Variants in PTPRS observed in about 807,000 individuals in gnomAD.
PTPRS encodes receptor-type tyrosine-protein phosphatase S.
In PTPRS, 63 loss-of-function variants were observed where a neutral mutation model predicts 215.3. That is an observed-to-expected ratio of 0.29 (90% CI 0.24 to 0.36). The LOEUF is 0.36. PTPRS is among the 10% of genes least tolerant of loss of function. The pLI, the probability that PTPRS is intolerant of heterozygous loss-of-function variation, is 1.00. For synonymous variants in PTPRS, 1,404 were observed against 1,191.4 expected (o/e 1.18, Z -3.68); for missense variants, 2,258 against 2,825.8 (o/e 0.80, Z 4.56).
At position 5,243,844 on chromosome 19, in the gene PTPRS, T is replaced by C. The variant is rs1255484645; in HGVS notation, c.1570+57A>G. 9 of 1,371,444 alleles carry C rather than the reference T, an allele frequency of 6.6e-6. No homozygotes were observed. The Admixed American group carries it at 1.4e-4, about 22-fold the overall frequency. The allele number at this position is 1,371,444 out of a possible 1,614,324, so 85.0% of individuals were successfully genotyped here. ...ACCGCTCTGCGGCTTCCAGGGAGCA[T>C]GCAAAGAACCAAGCCGCACGGCCGG... On this transcript the variant is annotated intron_variant, in intron 11 of 37. Transcript: ENST00000262963.
chr19:5,229,917 G>A (rs907735065), intron 14 of PTPRS, among the ~76,000 whole-genome samples: 3 of 147,196 alleles, frequency 2.0e-5, no homozygotes, highest in African/African-American at 5.0e-5. Context: ...CCCCCCCCGA[G>A]TCTAAACCAC....
In PTPRS at chr19:5,265,189, C is replaced by T. The variant is rs528813845; in HGVS notation, c.387G>A (p.Gln129=). The change falls in exon 5 of 38, where the codon CAG becomes CAA. Residue 129 remains glutamine, a synonymous_variant. Coordinates refer to ENST00000262963, the MANE Select transcript of PTPRS (RefSeq NM_002850.4). ...CGATGTTGGGGAAGCCAGAGGGCAG[C>T]TGGTCCTCTGAGGGCAGAGACGTGA... is the stretch of plus-strand genomic sequence containing the variant. ...HAKLTVLRED[Q]LPSGFPNIDM... 1 of 1,613,338 alleles carries T rather than the reference C, an allele frequency of 6.2e-7. No homozygotes were observed. Among genetic ancestry groups the T allele is most frequent in the South Asian group, 1.1e-5 (1 of 90,982 alleles).
In PTPRS at chr19:5,219,419, C is replaced by T; in HGVS notation, c.3814G>A (p.Asp1272Asn). ...FSDPFQLDNP[D>N]PQPIVDGEEG... ...TCGCCATCCACGATGGGCTGGGGGT[C>T]CGGGTTATCCAGCTGGAAGGGGTCT... The change falls in exon 23 of 38, where the codon GAC becomes AAC. Residue 1272 changes from aspartate (D) to asparagine (N), a missense_variant. By Grantham distance (23) the Asp-to-Asn change is conservative. This residue lies in a region of PTPRS where 927 missense variants were observed against 1,125.9 expected (regional missense o/e 0.82). Transcript: ENST00000262963. 1.2e-6 allele frequency: 2 copies of T among 1,611,892 alleles called. No individual in the cohort carries two copies. The highest frequency in any genetic ancestry group is 1.3e-5 in the African/African-American group (1 of 74,986).
At chr19:5,313,784 C>T (rs1288715405) in intron 1 of PTPRS, among the ~76,000 whole-genome samples, 1 of 152,012 alleles carries the variant, frequency 6.6e-6, no homozygotes, top group Non-Finnish European at 1.5e-5. Context: ...AAGAAGAAAC[C>T]CTGCAACGTG....
chr19:5,274,564 CCACCTGCAACAGCCA>C (rs1447924890), intron 2 of PTPRS, among the ~76,000 whole-genome samples: 1 of 152,156 alleles, frequency 6.6e-6, no homozygotes, highest in Non-Finnish European at 1.5e-5. Flanking sequence ...ATCCCCACTT[CCACCTGCAACAGCCA>C]CACCTGCTCA....
rs947374106 is a variant in PTPRS at position 5,258,139 on chromosome 19, T to C, written c.596-12A>G. 1.1e-5 allele frequency: 17 copies of C among 1,610,742 alleles called. No individual in the cohort carries two copies. Among genetic ancestry groups the C allele is most frequent in the Non-Finnish European group, 1.4e-5 (17 of 1,176,986 alleles). ...AATCTGCAGGGCTCCTGTGGGAAGATGGGAAAAAGCTTGGTCTGTTAGAGG... is the reference window on the plus strand; with the variant it reads ...AATCTGCAGGGCTCCTGTGGGAAGACGGGAAAAAGCTTGGTCTGTTAGAGG... On this transcript the variant is annotated splice_polypyrimidine_tract_variant and intron_variant, in intron 7 of 37. Coordinates refer to ENST00000262963, the MANE Select transcript of PTPRS (RefSeq NM_002850.4).
chr19:5,225,871 GACGGCTGGGGCTGGGAGCAGCCCC>G (rs2042442671), intron 16 of PTPRS, 27 bp from the exon 17 acceptor site: 1 of 1,591,894 alleles, frequency 6.3e-7, no homozygotes, highest in Non-Finnish European at 8.6e-7. Context: ...GGGTCAGCAC[GACGGCTGGGGCTGGGAGCAGCCCC>G]ACCCACCCCC....
intron 2 of PTPRS, among the ~76,000 whole-genome samples, chr19:5,279,155 C>T (rs1215791486): frequency 6.6e-6 from 1 of 151,354 alleles, no homozygotes; most frequent in African/African-American, 2.4e-5. Flanking sequence ...CACTGCACTC[C>T]AGCCGGGGCA....
intron 1 of PTPRS, 172 bp from the exon 2 acceptor site, chr19:5,286,406 G>C: frequency 2.0e-6 from 1 of 497,762 alleles, no homozygotes; most frequent in East Asian, 3.4e-5. Flanking sequence ...CTGGGCCCTT[G>C]CTATAGAATT....
At chr19:5,220,914 G>T in intron 20 of PTPRS, 86 bp downstream of exon 20, 2 of 1,458,850 alleles carry the variant, frequency 1.4e-6, no homozygotes, top group Non-Finnish European at 9.3e-7. Context: ...AGGAAATTGA[G>T]GCACAGAGAG....
intron 5 of PTPRS, among the ~76,000 whole-genome samples, chr19:5,263,199 T>C (rs1042223180): frequency 6.6e-6 from 1 of 151,820 alleles, no homozygotes; most frequent in South Asian, 2.1e-4. Flanking sequence ...ACAAGGAAAA[T>C]AGGCATGTTT....
chr19:5,231,672 AG>A (rs1430119138), intron 13 of PTPRS, 57 bp from the exon 14 acceptor site: 1 of 67,860 alleles, frequency 1.5e-5, no homozygotes, highest in Non-Finnish European at 2.6e-5. Context: ...ATGGGTGGGG[AG>A]GGGGGCGGGG....
chr19:5,272,321 C>T (rs773882181), intron 4 of PTPRS, among the ~76,000 whole-genome samples: 2 of 152,046 alleles, frequency 1.3e-5, no homozygotes, highest in African/African-American at 2.4e-5. Context: ...ATTTAGGCTG[C>T]ATGCAGTGGC....
chr19:5,253,872 A>G (rs1192249065), intron 9 of PTPRS, among the ~76,000 whole-genome samples: 2 of 152,210 alleles, frequency 1.3e-5, no homozygotes, highest in Non-Finnish European at 2.9e-5. Flanking sequence ...TACACAGAGC[A>G]CTTAGTTCAA....
At chr19:5,242,965 C>T (rs1248039644) in intron 11 of PTPRS, among the ~76,000 whole-genome samples, 2 of 152,056 alleles carry the variant, frequency 1.3e-5, no homozygotes, top group Admixed American at 6.6e-5. Flanking sequence ...AGATTACAGA[C>T]ATGAGCCACT....
intron 7 of PTPRS, 177 bp from the exon 8 acceptor site, chr19:5,258,304 C>A: frequency 1.7e-6 from 1 of 604,304 alleles, no homozygotes. Context: ...ATAACCTCCA[C>A]CCCCACATCT....
intron 1 of PTPRS, among the ~76,000 whole-genome samples, chr19:5,318,346 A>C (rs1303103966): frequency 6.6e-6 from 1 of 151,990 alleles, no homozygotes; most frequent in East Asian, 1.9e-4. Context: ...TCAAAAAAAA[A>C]AAAAAGAAGA....
At position 5,237,177 on chromosome 19, in the gene PTPRS, C is replaced by A. The variant is rs879462510; in HGVS notation, c.1849+1742G>T. 3.9e-5 allele frequency among the ~76,000 whole-genome samples: 6 copies of A among 152,132 alleles called. No homozygotes were observed. The highest frequency in any genetic ancestry group is 1.4e-4 in the African/African-American group (6 of 41,432). ...CAGCCCTGCTCCAGCCCCCAGCGTG[C>A]GCACGCTGAGGTTCCAGGCTGGAGG... On this transcript the variant is annotated intron_variant, in intron 13 of 37. Coordinates refer to ENST00000262963, the MANE Select transcript of PTPRS (RefSeq NM_002850.4). The surrounding 1 kb of genome is among the most constrained non-coding windows in gnomAD (Gnocchi z 4.2).
At chr19:5,316,073 A>T (rs975612972) in intron 1 of PTPRS, among the ~76,000 whole-genome samples, 4 of 150,556 alleles carry the variant, frequency 2.7e-5, no homozygotes, top group Non-Finnish European at 4.4e-5. Flanking sequence ...ACACACCATC[A>T]CACCTGGCTA....
Sources: allele counts gnomAD v4.1 joint callset (sites outside exome capture counted in the v4.1 genomes callset), GRCh38; gene constraint gnomAD v4.1.1; regional missense constraint gnomAD v4.1.1; non-coding constraint Gnocchi (gnomAD v3.1); transcripts MANE v1.5; gene names NCBI Gene and HGNC (gene_info 2026-07-23, HGNC 2026-07-21).